Variants in BANF2 observed in about 807,000 individuals in gnomAD.
BANF2 encodes BANF family member 2.
Under a neutral mutation model 8.0 loss-of-function variants are expected in BANF2, and 4 were observed. The ratio of observed to expected loss-of-function variants is 0.50; its 90% confidence interval spans 0.25 to 1.14. The LOEUF (loss-of-function observed/expected upper bound fraction) is 1.14, where lower values mean the gene tolerates loss of function less well. Ranked by LOEUF, BANF2 falls within the 50% of genes most tolerant of loss-of-function variation. The pLI is 0.16. For synonymous variants in BANF2, 50 were observed against 40.6 expected, an observed-to-expected ratio of 1.23 and a Z score of -0.88; for missense variants, 96 against 107.5, an observed-to-expected ratio of 0.89 and a Z score of 0.47.
intron 3 of BANF2, 49 bp downstream of exon 3, chr20:17,725,200 C>T (rs201906299): frequency 2.5e-6 from 4 of 1,570,618 alleles, no homozygotes; most frequent in Non-Finnish European, 3.5e-6. Flanking sequence ...TACCTTTCTT[C>T]CCCCAGTCCT....
chr20:17,722,146 G>A (rs1294171900), intron 1 of BANF2, among the ~76,000 whole-genome samples: 6 of 152,322 alleles, frequency 3.9e-5, no homozygotes, highest in Non-Finnish European at 5.9e-5. Flanking sequence ...GACCTCCGAC[G>A]TTGCTGGAGA....
At chr20:17,705,673 A>G (rs992129203) in intron 1 of BANF2, among the ~76,000 whole-genome samples, 6 of 152,214 alleles carry the variant, frequency 3.9e-5, no homozygotes, top group African/African-American at 1.2e-4. Flanking sequence ...ATTGTTTGGA[A>G]AATTAGTAAC....
At chr20:17,695,628 C>T (rs1023900450), upstream of BANF2, among the ~76,000 whole-genome samples, 3 of 151,736 alleles carry the variant, frequency 2.0e-5, no homozygotes, top group Non-Finnish European at 4.4e-5. Flanking sequence ...GTGTATTACA[C>T]ATTACATATG....
intron 1 of BANF2, among the ~76,000 whole-genome samples, chr20:17,713,961 T>C (rs552613674): frequency 6.6e-6 from 1 of 151,778 alleles, no homozygotes. Context: ...ATCCCAACAC[T>C]TTGGGAGGTC....
At chr20:17,720,557 G>C (rs957794679) in intron 1 of BANF2, among the ~76,000 whole-genome samples, 1 of 152,224 alleles carries the variant, frequency 6.6e-6, no homozygotes, top group African/African-American at 2.4e-5. Context: ...GTTCTACACA[G>C]TTCCACTTAT....
intron 3 of BANF2, chr20:17,731,579 G>A (rs1314591924): frequency 4.0e-5 from 6 of 151,822 alleles, no homozygotes; most frequent in African/African-American, 1.5e-4. Context: ...ACTGTAAAAT[G>A]AAAATGCAAG....
intron 1 of BANF2, among the ~76,000 whole-genome samples, chr20:17,722,051 C>G (rs1304526342): frequency 6.6e-6 from 1 of 152,186 alleles, no homozygotes; most frequent in Non-Finnish European, 1.5e-5. Context: ...CCAGTGTTCC[C>G]TGGGGAGGGG....
At chr20:17,717,682 C>T (rs545469448) in intron 1 of BANF2, among the ~76,000 whole-genome samples, 40 of 152,158 alleles carry the variant, frequency 2.6e-4, no homozygotes, top group South Asian at 8.3e-4. Context: ...TTTTTCTTGG[C>T]ATTAAGTTCC....
chr20:17,695,499 A>G (rs945999232), upstream of BANF2, among the ~76,000 whole-genome samples: 1 of 150,782 alleles, frequency 6.6e-6, no homozygotes, highest in East Asian at 1.9e-4. Context: ...ATTTTGGTAA[A>G]TTTAAGAAGA....
chr20:17,695,295 T>TA (rs746524196), upstream of BANF2, among the ~76,000 whole-genome samples: 1 of 148,926 alleles, frequency 6.7e-6, no homozygotes, highest in African/African-American at 2.5e-5. Flanking sequence ...AAACAATAAT[T>TA]AAAAAAAAAT....
At chr20:17,716,014 T>C (rs4814638) in intron 1 of BANF2, among the ~76,000 whole-genome samples, 92,401 of 151,972 alleles carry the variant, frequency 0.61, 28,810 homozygotes, top group African/African-American at 0.71. Flanking sequence ...ATGACCACGG[T>C]AGGCTCAGTT....
At chr20:17,699,448 T>C (rs183503392), upstream of BANF2, among the ~76,000 whole-genome samples, 100 of 152,326 alleles carry the variant, frequency 6.6e-4, 3 homozygotes, top group Admixed American at 5.9e-3. Context: ...ATATTTCTGC[T>C]TGTTTTCCTG....
chr20:17,725,070 C>T lies in BANF2; in HGVS notation c.45C>T (p.Pro15=). The change falls in exon 3 of 4, where the codon CCC becomes CCT. Residue 15 remains proline, a synonymous_variant. Transcript: ENST00000246090. ...SPRLRAFLSE[P]IGEKDVCWVD... ...GGCTGAGAGCCTTCCTCTCCGAACCCATTGGAGAAAAGGATGTCTGCTGGG... is the reference window on the plus strand; with the variant it reads ...GGCTGAGAGCCTTCCTCTCCGAACCTATTGGAGAAAAGGATGTCTGCTGGG... 1 of 1,608,788 alleles carries T rather than the reference C, an allele frequency of 6.2e-7. No individual in the cohort carries two copies. Among genetic ancestry groups the T allele is most frequent in the East Asian group, 2.2e-5 (1 of 44,854 alleles).
chr20:17,709,301 C>T (rs905373085), intron 1 of BANF2, among the ~76,000 whole-genome samples: 3 of 152,206 alleles, frequency 2.0e-5, no homozygotes, highest in African/African-American at 7.2e-5. Context: ...GCTGGAGGAA[C>T]TCAGATGCCT....
At chr20:17,695,601 G>GGGGT (rs1555821692), upstream of BANF2, among the ~76,000 whole-genome samples, 2,532 of 149,880 alleles carry the variant, frequency 0.017, 71 homozygotes, top group African/African-American at 0.059. Flanking sequence ...AAAAACCTAG[G>GGGGT]GTGTGTGTGT....
At position 17,711,934 on chromosome 20, in the gene BANF2, G is replaced by A. The variant is rs114077429; in HGVS notation, c.-166-10782G>A. 4.9e-3 allele frequency among the ~76,000 whole-genome samples: 743 copies of A among 152,324 alleles called. 6 individuals are homozygous for A. The highest frequency in any genetic ancestry group is 0.017 in the African/African-American group (723 of 41,558). On this transcript the variant is annotated intron_variant, in intron 1 of 3. Transcript: ENST00000246090. ...CGTGTTAGAGAGTCCCTGTTGGGAG[G>A]TGCGGTCTCCTTAGGGACTGCTCTG...
intron 1 of BANF2, among the ~76,000 whole-genome samples, chr20:17,721,369 T>G (rs1261798328): frequency 7.7e-6 from 1 of 129,464 alleles, no homozygotes; most frequent in Non-Finnish European, 1.6e-5. Context: ...ATTTGGAAAT[T>G]TTTTTTCTTT....
rs73266608 is a variant in BANF2 at position 17,709,415 on chromosome 20, C to T, written c.-167+9360C>T. On this transcript the variant is annotated intron_variant, in intron 1 of 3. Transcript: ENST00000246090. Reference sequence around the variant, plus strand: ...GAATGAAGGAAAATTAAATCTTGGGCGAGGCATTCTGTCCAGCAAAGAACA... The same window carrying T: ...GAATGAAGGAAAATTAAATCTTGGGTGAGGCATTCTGTCCAGCAAAGAACA... Among the ~76,000 whole-genome samples the T allele has an allele frequency of 5.4e-3, 825 of 152,170 alleles. 7 individuals are homozygous for T. The highest frequency in any genetic ancestry group is 0.018 in the African/African-American group (753 of 41,510).
At chr20:17,716,698 A>G (rs1159988538) in intron 1 of BANF2, among the ~76,000 whole-genome samples, 1 of 150,548 alleles carries the variant, frequency 6.6e-6, no homozygotes, top group African/African-American at 2.4e-5. Context: ...ACCCCGAGCC[A>G]GGTGGTGCGG....
Sources: allele counts gnomAD v4.1 joint callset (sites outside exome capture counted in the v4.1 genomes callset), GRCh38; gene constraint gnomAD v4.1.1; transcripts MANE v1.5; gene names NCBI Gene and HGNC (gene_info 2026-07-23, HGNC 2026-07-21).